SVOP: variants seen among roughly 807,000 people sequenced by gnomAD.
The protein encoded by SVOP is synaptic vesicle 2-related protein.
In SVOP, 17 loss-of-function variants were observed where a neutral mutation model predicts 69.1. The ratio of observed to expected loss-of-function variants is 0.25; its 90% CI spans 0.17 to 0.37. The LOEUF is 0.37. Ranked by LOEUF, SVOP falls within the 10% of genes least tolerant of loss-of-function variation. The pLI is 1.00. For synonymous variants in SVOP, 238 were observed against 238.6 expected (o/e 1.00, Z 0.02); for missense variants, 435 against 597.5 (o/e 0.73, Z 2.84).
intron 1 of SVOP, among the ~76,000 whole-genome samples, chr12:109,006,494 C>T (rs1217915804): frequency 6.6e-6 from 1 of 152,190 alleles, no homozygotes; most frequent in Admixed American, 6.6e-5. Context: ...CTTTAAGGGG[C>T]ACACATGGCA....
At chr12:108,988,446 ATCCAATGT>A (rs2040178518) in intron 1 of SVOP, among the ~76,000 whole-genome samples, 1 of 152,122 alleles carries the variant, frequency 6.6e-6, no homozygotes, top group African/African-American at 2.4e-5. Context: ...ACATACGGAC[ATCCAATGT>A]TCCTAATACC....
At chr12:108,982,279 TATCATCACC>T (rs1342186546) in intron 2 of SVOP, among the ~76,000 whole-genome samples, 30 of 144,846 alleles carry the variant, frequency 2.1e-4, no homozygotes, top group African/African-American at 7.5e-4. Flanking sequence ...ATCACCACAC[TATCATCACC>T]ATCATCACCA....
intron 11 of SVOP, among the ~76,000 whole-genome samples, chr12:108,933,695 A>T (rs965156708): frequency 1.3e-5 from 2 of 151,718 alleles, no homozygotes; most frequent in African/African-American, 2.4e-5. Context: ...AAAAATAAAA[A>T]AATAATAATA....
In SVOP at chr12:108,995,901, CA is replaced by C. The variant is rs199645152; in HGVS notation, c.36-12141del. 3.1e-3 allele frequency among the ~76,000 whole-genome samples: 419 copies of C among 136,786 alleles called. 2 individuals are homozygous for C. The highest frequency in any genetic ancestry group is 0.015 in the Middle Eastern group (4 of 272). 89.7% of individuals were successfully genotyped at this position (136,786 alleles called of 152,430 possible). A position where few individuals can be genotyped will look rare whatever the true frequency, so the allele number is the denominator to read the frequency against. On this transcript the variant is annotated intron_variant, in intron 1 of 15. Coordinates refer to ENST00000610966, the MANE Select transcript of SVOP (RefSeq NM_018711.5). ...TGGGCAACGCAGGTAGACTCTGTCT[CA>C]AAAAAAAAAAAATGTCAATGGTAAA...
chr12:109,020,887 T>G lies in SVOP; in HGVS notation c.-19A>C. 1.4e-6 allele frequency: 1 copy of G among 716,926 alleles called. No homozygotes were observed. The highest frequency in any genetic ancestry group is 1.5e-5 in the South Asian group (1 of 67,542). 44.4% of individuals were successfully genotyped at this position (716,926 alleles called of 1,614,324 possible). On this transcript the variant is annotated 5_prime_UTR_variant, in exon 1 of 16. Coordinates refer to ENST00000610966, the MANE Select transcript of SVOP (RefSeq NM_018711.5). ...CCTCCATGTCCGCGCTGCGCCAGGATGAGCCCTTCTCATGGCCCTTACATG... is the reference window on the plus strand; with the variant it reads ...CCTCCATGTCCGCGCTGCGCCAGGAGGAGCCCTTCTCATGGCCCTTACATG...
At chr12:108,949,674 T>C (rs1292744302) in intron 6 of SVOP, among the ~76,000 whole-genome samples, 1 of 151,984 alleles carries the variant, frequency 6.6e-6, no homozygotes, top group African/African-American at 2.4e-5. Context: ...TCTCCTACCT[T>C]TTCCTCCCTC....
chr12:108,954,332 AG>A (rs2039973962), intron 6 of SVOP, among the ~76,000 whole-genome samples: 1 of 152,190 alleles, frequency 6.6e-6, no homozygotes, highest in South Asian at 2.1e-4. Context: ...ATACACGTAA[AG>A]CACAAGGCTC....
chr12:108,921,281 T>C (rs2039746578), intron 12 of SVOP, among the ~76,000 whole-genome samples: 1 of 152,118 alleles, frequency 6.6e-6, no homozygotes, highest in African/African-American at 2.4e-5. Flanking sequence ...CAGTGTAGTA[T>C]GGGACTGAAG....
rs930839884 is a variant in SVOP at position 108,946,690 on chromosome 12, T to A, written c.579-1524A>T. On this transcript the variant is annotated intron_variant, in intron 6 of 15. Transcript: ENST00000610966. ...TTTATTCCATGAGTTGCAACCTGTT[T>A]TTATTATTATTATTATTATTATTAT... 8.8e-5 allele frequency among the ~76,000 whole-genome samples: 12 copies of A among 136,520 alleles called. 1 individual carries two copies. The highest frequency in any genetic ancestry group is 3.7e-4 in the Admixed American group (5 of 13,650). 89.6% of individuals were successfully genotyped at this position (136,520 alleles called of 152,430 possible).
chr12:108,953,989 A>G (rs528588757), intron 6 of SVOP, among the ~76,000 whole-genome samples: 1 of 151,854 alleles, frequency 6.6e-6, no homozygotes, highest in African/African-American at 2.4e-5. Flanking sequence ...GCTTGCTCCC[A>G]TAATCCCAGC....
intron 12 of SVOP, among the ~76,000 whole-genome samples, chr12:108,922,362 C>T (rs1376983082): frequency 2.0e-5 from 3 of 152,160 alleles, no homozygotes; most frequent in African/African-American, 7.2e-5. Context: ...TCCTCATCAT[C>T]CCCATGGGAC....
At chr12:108,946,823 A>G (rs774942545) in intron 6 of SVOP, among the ~76,000 whole-genome samples, 35 of 151,766 alleles carry the variant, frequency 2.3e-4, no homozygotes, top group Non-Finnish European at 5.0e-4. Flanking sequence ...GGTTCAAGCA[A>G]TTCTCCCACC....
At chr12:108,960,524 T>G (rs2040012240) in intron 6 of SVOP, among the ~76,000 whole-genome samples, 1 of 152,090 alleles carries the variant, frequency 6.6e-6, no homozygotes, top group Non-Finnish European at 1.5e-5. Flanking sequence ...AAAGCATGGA[T>G]ATTGTAGTTA....
In SVOP at chr12:108,960,927, G is replaced by A; in HGVS notation, c.574C>T (p.Gln192Ter). ...CAGCACTGGGTATTTACTTACGACT[G>A]GGGAACTCCTCCGATCCCGAAGCCC... ...LVGFGIGGVP[Q>*]SVTLYAEFLP... is the part of the protein sequence containing the mutation. Residue 192 changes from glutamine (Q) to a stop codon, truncating the protein, a stop_gained, in exon 6 of 16, where the codon CAG becomes TAG. Transcript: ENST00000610966. LOFTEE classifies it high-confidence loss of function. 6.5e-7 allele frequency: 1 copy of A among 1,536,906 alleles called. No individual in the cohort carries two copies. The highest frequency in any genetic ancestry group is 8.7e-7 in the Non-Finnish European group (1 of 1,146,780).
intron 1 of SVOP, among the ~76,000 whole-genome samples, chr12:108,985,295 AAGAG>A (rs2040160685): frequency 7.5e-5 from 10 of 134,170 alleles, no homozygotes; most frequent in African/African-American, 1.5e-4. Flanking sequence ...AAGAAGAAGA[AAGAG>A]AGAGAGAAAG....
At chr12:108,977,643 A>T (rs968151031) in intron 3 of SVOP, 147 bp from the exon 4 acceptor site, 1 of 551,924 alleles carries the variant, frequency 1.8e-6, no homozygotes, top group African/African-American at 1.9e-5. Flanking sequence ...AACCACACTC[A>T]AAGCTCCAGC....
intron 12 of SVOP, 54 bp downstream of exon 12, chr12:108,922,636 T>C (rs866290031): frequency 4.0e-5 from 54 of 1,346,788 alleles, no homozygotes; most frequent in Admixed American, 1.2e-4. Context: ...AGCTGAACAA[T>C]TGCCATATTC....
At chr12:108,913,319 C>T (rs1002090804) in intron 15 of SVOP, among the ~76,000 whole-genome samples, 1 of 152,176 alleles carries the variant, frequency 6.6e-6, no homozygotes, top group Non-Finnish European at 1.5e-5. Context: ...CCTTGGCCTC[C>T]CAAAGTGCTG....
chr12:108,986,361 G>A (rs1398319245), intron 1 of SVOP, among the ~76,000 whole-genome samples: 1 of 151,190 alleles, frequency 6.6e-6, no homozygotes, highest in Non-Finnish European at 1.5e-5. Flanking sequence ...CCAATGAGAG[G>A]GTAACACCTC....
Sources: allele counts gnomAD v4.1 joint callset (sites outside exome capture counted in the v4.1 genomes callset), GRCh38; gene constraint gnomAD v4.1.1; transcripts MANE v1.5; gene names NCBI Gene and HGNC (gene_info 2026-07-23, HGNC 2026-07-21).